SPON1: variants seen among roughly 807,000 people sequenced by gnomAD.
SPON1 encodes spondin-1.
A neutral mutation model predicts 111.7 loss-of-function variants in SPON1; 52 were observed. The observed-to-expected ratio is 0.47, with a 90% CI of 0.37 to 0.59. The LOEUF (loss-of-function observed/expected upper bound fraction) is 0.59. Ranked by LOEUF, SPON1 falls within the 20% of genes least tolerant of loss-of-function variation. The pLI is 0.00. For synonymous variants in SPON1, 410 were observed against 395.8 expected (o/e 1.04, Z -0.43); for missense variants, 957 against 1,068.5 (o/e 0.90, Z 1.46).
chr11:14,049,755 A>C (rs1848694879), intron 3 of SPON1, among the ~76,000 whole-genome samples: 1 of 151,986 alleles, frequency 6.6e-6, no homozygotes, highest in Non-Finnish European at 1.5e-5. Flanking sequence ...AATCCAAAAG[A>C]TTTTTCATAA....
At chr11:14,019,517 G>A (rs1554914599) in intron 2 of SPON1, among the ~76,000 whole-genome samples, 1 of 151,944 alleles carries the variant, frequency 6.6e-6, no homozygotes, top group Non-Finnish European at 1.5e-5. Context: ...TGAGACTCAA[G>A]GACCTGGGTT....
chr11:14,133,481 A>G (rs887207018), intron 5 of SPON1, among the ~76,000 whole-genome samples: 1 of 152,344 alleles, frequency 6.6e-6, no homozygotes, highest in East Asian at 1.9e-4. Flanking sequence ...TAAAGGAGGA[A>G]TGGGAGTTGG....
intron 2 of SPON1, among the ~76,000 whole-genome samples, chr11:13,987,631 T>C (rs1225837877): frequency 6.6e-6 from 1 of 152,150 alleles, no homozygotes; most frequent in African/African-American, 2.4e-5. Context: ...TTGCCCATGC[T>C]TATGTCCTGA....
Position 14,259,649 on chromosome 11 carries a change from C to G in SPON1, c.1779C>G (p.Ser593=). 1 of 1,568,894 alleles carries G rather than the reference C, an allele frequency of 6.4e-7. No individual in the cohort carries two copies. Among genetic ancestry groups the G allele is most frequent in the Non-Finnish European group, 8.6e-7 (1 of 1,157,062 alleles). Residue 593 remains serine (S), a synonymous_variant, in exon 13 of 16, where the codon TCC becomes TCG. Coordinates refer to ENST00000576479, the MANE Select transcript of SPON1 (RefSeq NM_006108.4). This position sits in a 1 kb window ranked among gnomAD's most constrained non-coding sequence, Gnocchi z 5.0. The part of the protein sequence containing the change: ...RMIKMNPADG[S]MCKAETSQAE... ...TCAAGATGAACCCCGCAGATGGCTC[C>G]ATGTGCAAAGCCGAGACATCACAGG...
At chr11:14,205,532 C>T (rs1436777647) in intron 6 of SPON1, among the ~76,000 whole-genome samples, 1 of 152,286 alleles carries the variant, frequency 6.6e-6, no homozygotes, top group African/African-American at 2.4e-5. Flanking sequence ...AATATAACTA[C>T]TTCTAACTAC....
chr11:14,068,378 G>C (rs1274733128), intron 3 of SPON1, among the ~76,000 whole-genome samples: 2 of 152,190 alleles, frequency 1.3e-5, no homozygotes, highest in East Asian at 3.8e-4. Flanking sequence ...GAGAGCTTGA[G>C]AAATCCAATG....
rs11493367 is a variant in SPON1 at position 14,170,552 on chromosome 11, T to C, written c.825+34984T>C. 5.3e-5 allele frequency among the ~76,000 whole-genome samples: 8 copies of C among 151,640 alleles called. No individual in the cohort carries two copies. The East Asian group carries it at 1.5e-3, about 29-fold the overall frequency. ...ACTATGTTGAATAGGAGTGGTGAGA[T>C]AGGGCATCCCTGTCTTGTGCCAGTT... On this transcript the variant is annotated intron_variant, in intron 6 of 15. Transcript: ENST00000576479.
intron 3 of SPON1, among the ~76,000 whole-genome samples, chr11:14,049,864 C>T (rs1848695520): frequency 6.6e-6 from 1 of 152,100 alleles, no homozygotes; most frequent in African/African-American, 2.4e-5. Context: ...CTGTCCCAGA[C>T]CCTGATGGGG....
chr11:14,214,624 G>C (rs559815509), intron 6 of SPON1, among the ~76,000 whole-genome samples: 24 of 152,318 alleles, frequency 1.6e-4, no homozygotes, highest in African/African-American at 4.3e-4. Context: ...CAAGTGAGAT[G>C]ATGAGCCATG....
intron 5 of SPON1, among the ~76,000 whole-genome samples, chr11:14,111,578 T>C (rs1849227170): frequency 6.6e-6 from 1 of 152,208 alleles, no homozygotes; most frequent in Admixed American, 6.5e-5. Flanking sequence ...GCTAACAGCA[T>C]TTATATGCTT....
intron 6 of SPON1, among the ~76,000 whole-genome samples, chr11:14,170,854 A>G (rs1264687901): frequency 6.6e-6 from 1 of 152,166 alleles, no homozygotes; most frequent in East Asian, 1.9e-4. Flanking sequence ...CCACTTGATC[A>G]TGGTGGATAA....
chr11:14,014,983 T>TAC (rs1377735581), intron 2 of SPON1, among the ~76,000 whole-genome samples: 4 of 152,240 alleles, frequency 2.6e-5, no homozygotes, highest in East Asian at 1.9e-4. Flanking sequence ...TCTGTGCACG[T>TAC]ACACACACAC....
intron 3 of SPON1, among the ~76,000 whole-genome samples, chr11:14,056,474 C>G (rs1848745207): frequency 6.6e-6 from 1 of 151,982 alleles, no homozygotes; most frequent in South Asian, 2.1e-4. Flanking sequence ...CACTGGATCT[C>G]CATTTCTTTT....
chr11:14,023,364 TGC>T, intron 2 of SPON1, among the ~76,000 whole-genome samples: 1 of 151,586 alleles, frequency 6.6e-6, no homozygotes, highest in Non-Finnish European at 1.5e-5. Flanking sequence ...TGCTTTAGGG[TGC>T]TGGAGAGAAA....
chr11:14,135,419 G>A lies in SPON1; in HGVS notation c.677-1G>A. 1.2e-6 allele frequency: 2 copies of A among 1,605,684 alleles called. No individual in the cohort carries two copies. The highest frequency in any genetic ancestry group is 1.7e-6 in the Non-Finnish European group (2 of 1,173,248). On this transcript the variant is annotated splice_acceptor_variant, in intron 5 of 15. Transcript: ENST00000576479. LOFTEE classifies it high-confidence loss of function. This position sits in a 1 kb window ranked among gnomAD's most constrained non-coding sequence, Gnocchi z 4.4. ...AACTGCCTCCTGATTGGCTTTCCCAGGTCGGGCCAACCACTGGTCTGCGAT... is the reference window on the plus strand; with the variant it reads ...AACTGCCTCCTGATTGGCTTTCCCAAGTCGGGCCAACCACTGGTCTGCGAT...
chr11:13,975,904 A>G (rs1554909023), intron 1 of SPON1, among the ~76,000 whole-genome samples: 7 of 152,284 alleles, frequency 4.6e-5, no homozygotes, highest in Non-Finnish European at 1.5e-5. Flanking sequence ...TTTCATCATA[A>G]TCTTCATCCC....
At chr11:14,091,742 G>A (rs1219766042) in intron 5 of SPON1, among the ~76,000 whole-genome samples, 1 of 152,178 alleles carries the variant, frequency 6.6e-6, no homozygotes, top group African/African-American at 2.4e-5. Context: ...GAGGGAGTGG[G>A]CTCTAGCCTT....
chr11:14,135,706 G>A lies in SPON1; in HGVS notation c.825+138G>A. 1.2e-6 allele frequency: 1 copy of A among 826,144 alleles called. No individual in the cohort carries two copies. The highest frequency in any genetic ancestry group is 1.9e-6 in the Non-Finnish European group (1 of 529,808). 51.2% of individuals were successfully genotyped at this position (826,144 alleles called of 1,614,324 possible). On this transcript the variant is annotated intron_variant, in intron 6 of 15. Coordinates refer to ENST00000576479, the MANE Select transcript of SPON1 (RefSeq NM_006108.4). The surrounding 1 kb of genome is among the most constrained non-coding windows in gnomAD (Gnocchi z 4.4). Reference sequence around the variant, plus strand: ...TATTTGCTGAGTTTGGGGGTTTTATGTTAAGTAGAGGACAGACAGAGGCAC... The same window carrying A: ...TATTTGCTGAGTTTGGGGGTTTTATATTAAGTAGAGGACAGACAGAGGCAC...
intron 5 of SPON1, among the ~76,000 whole-genome samples, chr11:14,110,205 T>C (rs527706127): frequency 5.6e-4 from 85 of 152,284 alleles, no homozygotes; most frequent in Middle Eastern, 3.4e-3. Flanking sequence ...TACTGAGAAG[T>C]GAATTGCAGC....
Sources: allele counts gnomAD v4.1 joint callset (sites outside exome capture counted in the v4.1 genomes callset), GRCh38; gene constraint gnomAD v4.1.1; non-coding constraint Gnocchi (gnomAD v3.1); transcripts MANE v1.5; gene names NCBI Gene and HGNC (gene_info 2026-07-23, HGNC 2026-07-21).